Variants in MICALL2 observed in about 807,000 individuals in gnomAD.
The protein encoded by MICALL2 is MICAL like 2.
A neutral mutation model predicts 91.1 loss-of-function variants in MICALL2; 111 were observed. The ratio of observed to expected loss-of-function variants is 1.22; its 90% CI spans 1.04 to 1.43. MICALL2 has a LOEUF of 1.43. MICALL2 is among the 40% of genes most tolerant of loss of function. The pLI, the probability that MICALL2 is intolerant of heterozygous loss-of-function variation, is 0.00. For missense variants in MICALL2, 1,556 were observed against 1,236.0 expected, an observed-to-expected ratio of 1.26 and a Z score of -3.88; for synonymous variants, 694 against 525.3, an observed-to-expected ratio of 1.32 and a Z score of -4.39.
At chr7:1,439,432 G>A (rs1780155859) in intron 9 of MICALL2, 2 of 209,642 alleles carry the variant, frequency 9.5e-6, no homozygotes, top group South Asian at 1.1e-4. Context: ...TCACACAGAT[G>A]TACACATGGA....
chr7:1,440,865 G>A lies in MICALL2; in HGVS notation c.1712-181C>T, dbSNP rs553557378. ...CAGGGAGTCAGGGGAGGGGCTCCCA[G>A]CTGGCTCTCCTGTGCTGTGTGTCCC... is the stretch of plus-strand genomic sequence containing the variant. On this transcript the variant is annotated intron_variant, in intron 7 of 16. Transcript: ENST00000297508. 8.1e-4 allele frequency: 491 copies of A among 602,724 alleles called. 2 individuals are homozygous for A. The African/African-American group carries it at 8.4e-3, about 10-fold the overall frequency. 37.3% of individuals were successfully genotyped at this position (602,724 alleles called of 1,614,324 possible).
intron 1 of MICALL2, among the ~76,000 whole-genome samples, chr7:1,453,746 C>T (rs1228198955): frequency 1.3e-5 from 2 of 152,074 alleles, no homozygotes; most frequent in African/African-American, 4.8e-5. Flanking sequence ...TTAATCTTCT[C>T]TTATTTGAAG....
rs1322502218 is a variant in MICALL2, at chr7:1,450,270, C to T, written c.162G>A (p.Lys54=). The change falls in exon 2 of 17, where the codon AAG becomes AAA. Residue 54 remains lysine, a synonymous_variant. Coordinates refer to ENST00000297508, the MANE Select transcript of MICALL2 (RefSeq NM_182924.4). ...RPDLINFSAL[K]KENIYENNKL... is the part of the protein sequence containing the mutation. ...TATTGTTTTCATAAATATTTTCCTTCTTGAGAGCACTGAAGTTTCTGGAAG... is the reference window on the plus strand; with the variant it reads ...TATTGTTTTCATAAATATTTTCCTTTTTGAGAGCACTGAAGTTTCTGGAAG... The T allele has an allele frequency of 6.2e-7, 1 of 1,613,078 alleles. No individual in the cohort carries two copies. Among genetic ancestry groups the T allele is most frequent in the Non-Finnish European group, 8.5e-7 (1 of 1,179,882 alleles).
rs911039254 is a variant in MICALL2, at chr7:1,448,504, G to C, written c.334+116C>G. The C allele has an allele frequency of 7.4e-6, 7 of 945,324 alleles. No individual in the cohort carries two copies. In the East Asian group the frequency reaches 1.7e-4, roughly 23 times the overall value. 58.6% of individuals were successfully genotyped at this position (945,324 alleles called of 1,614,324 possible). ...GCACAGCCCCGGTGCCCATGCCAGG[G>C]GCCATTCTTGGGGGGGGGGCTGGGC... On this transcript the variant is annotated intron_variant, in intron 3 of 16. Coordinates refer to ENST00000297508, the MANE Select transcript of MICALL2 (RefSeq NM_182924.4).
chr7:1,444,484 T>G (rs901845680), intron 6 of MICALL2, among the ~76,000 whole-genome samples, 168 bp downstream of exon 6: 1 of 152,164 alleles, frequency 6.6e-6, no homozygotes, highest in Admixed American at 6.5e-5. Flanking sequence ...ACTGCCACCC[T>G]GGCTCCTCCT....
rs1562441541 is a variant in MICALL2 at position 1,434,478 on chromosome 7, TCCGGGCCGAGCCCACGGCCC to T, written c.*98_*117del. Reference sequence around the variant, plus strand: ...CCCGAGTCCAAGTCCGAATGCCGGGTCCGGGCCGAGCCCACGGCCCCGAGTACAAGTCCGGGTTCCGGGTC... The same window carrying T: ...CCCGAGTCCAAGTCCGAATGCCGGGTCGAGTACAAGTCCGGGTTCCGGGTC... On this transcript the variant is annotated 3_prime_UTR_variant, in exon 17 of 17. Transcript: ENST00000297508. The T allele has an allele frequency of 1.1e-6, 1 of 892,782 alleles. No homozygotes were observed. Among genetic ancestry groups the T allele is most frequent in the Admixed American group, 1.8e-5 (1 of 54,176 alleles). The allele number at this position is 892,782 out of a possible 1,614,324, so 55.3% of individuals were successfully genotyped here.
At position 1,446,825 on chromosome 7, in the gene MICALL2, G is replaced by A. The variant is rs367713351; in HGVS notation, c.529C>T (p.Gln177Ter). 12 of 1,584,486 alleles carry A rather than the reference G, an allele frequency of 7.6e-6. No homozygotes were observed. In the African/African-American group the frequency reaches 1.6e-4, roughly 21 times the overall value. The change falls in exon 5 of 17, where the codon CAG (glutamine) becomes TAG (stop). Residue 177 changes from glutamine (Q) to a stop codon, truncating the protein, a stop_gained. Coordinates refer to ENST00000297508, the MANE Select transcript of MICALL2 (RefSeq NM_182924.4). LOFTEE classifies it high-confidence loss of function. ...GAGGPPPKTDQALAGSLVSST... is the reference protein window; with the variant it reads ...GAGGPPPKTD ...CTGACCAAGCTGCCCGCCAATGCCT[G>A]GTCCTGGGGAAGATGCCAGCACCTC... is the stretch of plus-strand genomic sequence containing the variant.
intron 7 of MICALL2, chr7:1,441,772 G>C (rs1211548108): frequency 4.4e-6 from 1 of 226,960 alleles, no homozygotes; most frequent in Non-Finnish European, 8.8e-6. Context: ...GTGACACAGG[G>C]TGCCACAGCA....
chr7:1,448,632 C>A lies in MICALL2; in HGVS notation c.322G>T (p.Gly108Cys). Residue 108 changes from glycine to cysteine, a missense_variant, in exon 3 of 17, where the codon GGC becomes TGC. By Grantham distance (159) the Gly-to-Cys change is radical (BLOSUM62 -3). Coordinates refer to ENST00000297508, the MANE Select transcript of MICALL2 (RefSeq NM_182924.4). ...GGCAGGGACTCACTGGGGGAGCGGCCGTGGAAGTAGTTGTAATACTGGGAC... is the reference window on the plus strand; with the variant it reads ...GGCAGGGACTCACTGGGGGAGCGGCAGTGGAAGTAGTTGTAATACTGGGAC... ...YVSQYYNYFH[G>C]RSPIGGMAGV... The A allele has an allele frequency of 6.2e-7, 1 of 1,612,582 alleles. No individual in the cohort carries two copies.
intron 6 of MICALL2, among the ~76,000 whole-genome samples, chr7:1,443,684 G>A (rs1780421250): frequency 1.3e-5 from 2 of 152,212 alleles, no homozygotes; most frequent in Non-Finnish European, 2.9e-5. Flanking sequence ...GAGACTGGAG[G>A]GAGGCGACCA....
rs757425241 is a variant in MICALL2, at chr7:1,434,604, A to AG, written c.2706dup (p.Ser903LeufsTer?). 1 of 1,597,036 alleles carries AG rather than the reference A, an allele frequency of 6.3e-7. No individual in the cohort carries two copies. Among genetic ancestry groups the AG allele is most frequent in the East Asian group, 2.2e-5 (1 of 44,752 alleles). On this transcript the variant is annotated frameshift_variant, in exon 17 of 17. Coordinates refer to ENST00000297508, the MANE Select transcript of MICALL2 (RefSeq NM_182924.4). LOFTEE classifies it high-confidence loss of function. ...CACGGCCCTACTGGCTACTACTGGG[A>AG]GGGGCTGCTTTTGCTTTTTGGTGAC...
intron 6 of MICALL2, among the ~76,000 whole-genome samples, chr7:1,443,824 G>C (rs983928078): frequency 1.3e-5 from 2 of 152,202 alleles, no homozygotes; most frequent in African/African-American, 4.8e-5. Flanking sequence ...AGCTGTGAGG[G>C]GGTGGATTTC....
intron 7 of MICALL2, chr7:1,440,943 G>T: frequency 2.0e-6 from 1 of 488,170 alleles, no homozygotes. Flanking sequence ...TGCCGAATGG[G>T]TGGGGACGTG....
intron 15 of MICALL2, among the ~76,000 whole-genome samples, chr7:1,435,569 A>G (rs934395198): frequency 8.5e-5 from 13 of 152,182 alleles, no homozygotes; most frequent in African/African-American, 2.4e-4. Flanking sequence ...CCTGGGACAG[A>G]AGGGCCTCGG....
rs771173846 is a variant in MICALL2 at position 1,445,125 on chromosome 7, G to A, written c.945C>T (p.His315=). ...NPAATSATSV[H]VRSPARPSES... ...CAGAGGGCCTGGCTGGGCTCCTCACGTGGACGGACGTGGCGCTGGTGGCTG... is the reference window on the plus strand; with the variant it reads ...CAGAGGGCCTGGCTGGGCTCCTCACATGGACGGACGTGGCGCTGGTGGCTG... Residue 315 remains histidine, a synonymous_variant, in exon 6 of 17, where the codon CAC becomes CAT. Coordinates refer to ENST00000297508, the MANE Select transcript of MICALL2 (RefSeq NM_182924.4). The A allele has an allele frequency of 7.6e-5, 118 of 1,559,544 alleles. No individual in the cohort carries two copies. The highest frequency in any genetic ancestry group is 1.5e-4 in the African/African-American group (11 of 73,524).
Position 1,447,753 on chromosome 7 carries a change from G to A in MICALL2, c.347C>T (p.Ala116Val). The A allele has an allele frequency of 6.5e-7, 1 of 1,541,500 alleles. No homozygotes were observed. The highest frequency in any genetic ancestry group is 8.8e-7 in the Non-Finnish European group (1 of 1,141,878). ...GTCCTCCGAGGCCCTCTTCACGCCT[G>A]CCATGCCCCCAACTGGAGGAATCAA... is the stretch of plus-strand genomic sequence containing the variant. ...FHGRSPIGGM[A>V]GVKRASEDSE... Residue 116 changes from alanine (A) to valine (V), a missense_variant, in exon 4 of 17, where the codon GCA becomes GTA. By Grantham distance (64) the Ala-to-Val change is moderately conservative. Transcript: ENST00000297508.
intron 14 of MICALL2, 29 bp downstream of exon 14, chr7:1,437,506 G>T (rs368570897): frequency 2.0e-6 from 3 of 1,501,874 alleles, no homozygotes; most frequent in South Asian, 1.3e-5. Context: ...CCTGGCTGGG[G>T]CCCCTTGGCT....
At chr7:1,439,637 A>C (rs1451763932) in intron 9 of MICALL2, 4 of 353,186 alleles carry the variant, frequency 1.1e-5, no homozygotes, top group Non-Finnish European at 2.0e-5. Context: ...ACACATGGAC[A>C]TGCATCACGT....
chr7:1,449,915 C>T (rs1185176883), intron 2 of MICALL2, among the ~76,000 whole-genome samples: 1 of 151,404 alleles, frequency 6.6e-6, no homozygotes, highest in African/African-American at 2.4e-5. Context: ...CAGCCACCCC[C>T]AGACCCTTGT....
Sources: allele counts gnomAD v4.1 joint callset (sites outside exome capture counted in the v4.1 genomes callset), GRCh38; gene constraint gnomAD v4.1.1; transcripts MANE v1.5; gene names NCBI Gene and HGNC (gene_info 2026-07-23, HGNC 2026-07-21).